The following MYO9A variants were observed in gnomAD, a reference collection of about 807,000 sequenced individuals.
MYO9A encodes myosin IXA, also known as unconventional myosin-IXa.
MYO9A carries 103 observed loss-of-function variants against 293.3 expected under a neutral mutation model. That is an observed-to-expected ratio of 0.35 (90% CI 0.30 to 0.41). The LOEUF (loss-of-function observed/expected upper bound fraction) is 0.41, where lower values mean the gene tolerates loss of function less well. Ranked by LOEUF, MYO9A falls within the 10% of genes least tolerant of loss-of-function variation. The pLI, the probability that MYO9A is intolerant of heterozygous loss-of-function variation, is 1.00. For missense variants in MYO9A, 2,685 were observed against 3,033.0 expected, an observed-to-expected ratio of 0.89 and a Z score of 2.69; for synonymous variants, 1,001 against 1,035.7, an observed-to-expected ratio of 0.97 and a Z score of 0.64.
intron 15 of MYO9A, among the ~76,000 whole-genome samples, chr15:71,941,921 T>G (rs886123911): frequency 2.6e-5 from 4 of 152,096 alleles, no homozygotes; most frequent in African/African-American, 9.7e-5. Context: ...ATGAAGTAAC[T>G]CCACTCATAA....
In MYO9A at chr15:72,003,269, C is replaced by CA. The variant is rs751955335; in HGVS notation, c.1381-3330dup. Among the ~76,000 whole-genome samples, 333 of 61,870 alleles carry CA rather than the reference C, an allele frequency of 5.4e-3. 1 individual carries two copies. Among genetic ancestry groups the CA allele is most frequent in the Non-Finnish European group, 6.3e-3 (195 of 30,944 alleles). 40.6% of individuals were successfully genotyped at this position (61,870 alleles called of 152,430 possible). A position where few individuals can be genotyped will look rare whatever the true frequency, so the allele number is the denominator to read the frequency against. The stretch of plus-strand genomic sequence containing the variant: ...GGGCAACAAGAGCAAAATACCGTCT[C>CA]AAAAAAAAAAAAAAGTAAAAAAAAA... On this transcript the variant is annotated intron_variant, in intron 8 of 41. Coordinates refer to ENST00000356056, the MANE Select transcript of MYO9A (RefSeq NM_006901.4).
At chr15:72,078,450 C>A (rs151106163) in intron 1 of MYO9A, among the ~76,000 whole-genome samples, 1 of 152,086 alleles carries the variant, frequency 6.6e-6, no homozygotes, top group African/African-American at 2.4e-5. Flanking sequence ...CCAGATCATA[C>A]CACTGCACTC....
rs1462211654 is a variant in MYO9A, at chr15:71,967,976, T to C, written c.1986+8A>G. 2 of 1,601,700 alleles carry C rather than the reference T, an allele frequency of 1.2e-6. No homozygotes were observed. The highest frequency in any genetic ancestry group is 1.7e-6 in the Non-Finnish European group (2 of 1,174,100). On this transcript the variant is annotated splice_region_variant and intron_variant, in intron 13 of 41. Coordinates refer to ENST00000356056, the MANE Select transcript of MYO9A (RefSeq NM_006901.4). ...CCTGTAAGCATATTCAGTGAGAAAT[T>C]TACTGACCTTTACCCCATATTTTAC... is the stretch of plus-strand genomic sequence containing the variant.
chr15:72,108,236 G>A (rs1011190375), intron 1 of MYO9A, among the ~76,000 whole-genome samples: 2 of 152,042 alleles, frequency 1.3e-5, no homozygotes, highest in Non-Finnish European at 2.9e-5. Flanking sequence ...TAAACCTATC[G>A]AACTTACATC....
chr15:72,013,160 A>G (rs1229304254), intron 6 of MYO9A, among the ~76,000 whole-genome samples: 1 of 152,222 alleles, frequency 6.6e-6, no homozygotes, highest in Non-Finnish European at 1.5e-5. Flanking sequence ...AAGACAGACT[A>G]AACAGTCTGT....
intron 1 of MYO9A, among the ~76,000 whole-genome samples, chr15:72,069,015 G>A (rs998359966): frequency 2.6e-5 from 4 of 152,194 alleles, no homozygotes; most frequent in African/African-American, 9.7e-5. Flanking sequence ...ACATGGCAGA[G>A]CTAGGATGTG....
chr15:71,854,778 T>C (rs2055798105), intron 34 of MYO9A, among the ~76,000 whole-genome samples: 1 of 152,190 alleles, frequency 6.6e-6, no homozygotes. Context: ...AAGAAAATAA[T>C]GGAGTGAAGA....
intron 27 of MYO9A, among the ~76,000 whole-genome samples, chr15:71,887,798 T>C (rs2057064885): frequency 6.6e-6 from 1 of 152,142 alleles, no homozygotes; most frequent in East Asian, 1.9e-4. Flanking sequence ...GAGGGAAATT[T>C]TTCTTTTCTT....
At chr15:72,032,069 G>A (rs1314412515) in intron 3 of MYO9A, among the ~76,000 whole-genome samples, 1 of 151,958 alleles carries the variant, frequency 6.6e-6, no homozygotes, top group Non-Finnish European at 1.5e-5. Flanking sequence ...ACTGTGCCCG[G>A]CTGATTTTTG....
At chr15:71,961,343 A>C (rs2075733580) in intron 13 of MYO9A, among the ~76,000 whole-genome samples, 1 of 152,224 alleles carries the variant, frequency 6.6e-6, no homozygotes, top group African/African-American at 2.4e-5. Flanking sequence ...TATACTGATA[A>C]GGAGAAGACT....
At chr15:71,844,865 T>A (rs1334492374) in intron 39 of MYO9A, among the ~76,000 whole-genome samples, 2 of 152,162 alleles carry the variant, frequency 1.3e-5, no homozygotes, top group Non-Finnish European at 2.9e-5. Context: ...AAGACATATA[T>A]TACCCTCATG....
chr15:72,101,161 G>A (rs958276016), intron 1 of MYO9A, among the ~76,000 whole-genome samples: 7 of 139,852 alleles, frequency 5.0e-5, no homozygotes, highest in Admixed American at 4.2e-4. Flanking sequence ...TCTGGGAGGT[G>A]AGGGGTGCCT....
intron 11 of MYO9A, among the ~76,000 whole-genome samples, chr15:71,990,236 T>C (rs1432084607): frequency 6.6e-6 from 1 of 151,554 alleles, no homozygotes; most frequent in Non-Finnish European, 1.5e-5. Flanking sequence ...TGGCATGCAA[T>C]ACCACATCTG....
intron 7 of MYO9A, among the ~76,000 whole-genome samples, chr15:72,008,792 T>C (rs142328231): frequency 1.8e-3 from 270 of 152,294 alleles, no homozygotes; most frequent in African/African-American, 6.4e-3. Flanking sequence ...TGAAAAACTC[T>C]TCCTCAGTCT....
At chr15:71,883,543 AAGAGTGAAC>A (rs754278179) in intron 28 of MYO9A, 42 bp downstream of exon 28, 2 of 1,567,072 alleles carry the variant, frequency 1.3e-6, no homozygotes, top group African/African-American at 2.7e-5. Flanking sequence ...AACTTTCAGA[AAGAGTGAAC>A]AGAAATTATG....
In MYO9A at chr15:71,897,857, T is replaced by C; in HGVS notation, c.4646A>G (p.Gln1549Arg). The C allele has an allele frequency of 6.2e-7, 1 of 1,614,126 alleles. No individual in the cohort carries two copies. Among genetic ancestry groups the C allele is most frequent in the Non-Finnish European group, 8.5e-7 (1 of 1,179,988 alleles). ...GECLVAPSSY[Q>R]SKQRVERPSS... is the part of the protein sequence containing the mutation. ...TGGCCTCTCTACTCTTTGCTTTGAC[T>C]GATAGGAAGATGGTGCCACCAAACA... Residue 1549 changes from glutamine (Q) to arginine (R), a missense_variant, in exon 25 of 42, where the codon CAG (glutamine) becomes CGG (arginine). Coordinates refer to ENST00000356056, the MANE Select transcript of MYO9A (RefSeq NM_006901.4).
Position 71,854,300 on chromosome 15 carries a change from T to C in MYO9A, c.6346+77A>G, listed in dbSNP as rs967607432. ...GGCTGCTAAGTAAAGGATTGACATG[T>C]AATGAAAACTTTAAGAGCATGAAAG... On this transcript the variant is annotated intron_variant, in intron 35 of 41. Transcript: ENST00000356056. 4 of 1,118,294 alleles carry C rather than the reference T, an allele frequency of 3.6e-6. No homozygotes were observed. The African/African-American group carries it at 6.4e-5, about 18-fold the overall frequency. The allele number at this position is 1,118,294 out of a possible 1,614,324, so 69.3% of individuals were successfully genotyped here. A position where few individuals can be genotyped will look rare whatever the true frequency, so the allele number is the denominator to read the frequency against.
chr15:71,973,405 T>C (rs1260400013), intron 12 of MYO9A, among the ~76,000 whole-genome samples: 1 of 152,184 alleles, frequency 6.6e-6, no homozygotes, highest in Non-Finnish European at 1.5e-5. Context: ...TGAGAGTAAC[T>C]ACATTAGGGG....
chr15:71,926,389 C>T (rs2058314318), intron 18 of MYO9A, among the ~76,000 whole-genome samples: 1 of 151,992 alleles, frequency 6.6e-6, no homozygotes, highest in Non-Finnish European at 1.5e-5. Flanking sequence ...CATAATGAGA[C>T]CCTGCATATT....
Sources: allele counts gnomAD v4.1 joint callset (sites outside exome capture counted in the v4.1 genomes callset), GRCh38; gene constraint gnomAD v4.1.1; transcripts MANE v1.5; gene names NCBI Gene and HGNC (gene_info 2026-07-23, HGNC 2026-07-21).